Variants in MYH11 observed in about 807,000 individuals in gnomAD.
MYH11 encodes the protein myosin-11.
In MYH11, 80 loss-of-function variants were observed where a neutral mutation model predicts 246.6. That is an observed-to-expected ratio of 0.32 (90% confidence interval 0.27 to 0.39). The LOEUF (loss-of-function observed/expected upper bound fraction) is 0.39, where lower values mean the gene tolerates loss of function less well. MYH11 is among the 10% of genes least tolerant of loss of function. The pLI is 1.00. For missense variants in MYH11, 2,158 were observed against 2,546.8 expected (o/e 0.85, Z 3.29); for synonymous variants, 1,071 against 1,015.5 (o/e 1.05, Z -1.04).
intron 3 of MYH11, among the ~76,000 whole-genome samples, chr16:15,816,780 T>C (rs769636504): frequency 1.1e-4 from 15 of 136,682 alleles, no homozygotes; most frequent in Middle Eastern, 3.5e-3. Flanking sequence ...TTCAGAGATA[T>C]GGTGGTAAAT....
intron 1 of MYH11, among the ~76,000 whole-genome samples, chr16:15,838,553 C>G (rs1434725009): frequency 6.6e-6 from 1 of 151,950 alleles, no homozygotes; most frequent in Non-Finnish European, 1.5e-5. Flanking sequence ...GAAATACTAC[C>G]CAGTGCTCAG....
At chr16:15,740,931 C>G (rs113320233) in intron 22 of MYH11, among the ~76,000 whole-genome samples, 2 of 152,262 alleles carry the variant, frequency 1.3e-5, no homozygotes, top group African/African-American at 4.8e-5. Context: ...TGGAAGGACA[C>G]TCAAGCAGCC....
At chr16:15,819,479 G>T (rs1004747863) in intron 3 of MYH11, among the ~76,000 whole-genome samples, 1 of 152,078 alleles carries the variant, frequency 6.6e-6, no homozygotes, top group Non-Finnish European at 1.5e-5. Flanking sequence ...ATCAGAGGCG[G>T]CATTAGACTC....
intron 15 of MYH11, 55 bp downstream of exon 15, chr16:15,753,339 G>C: frequency 6.7e-7 from 1 of 1,491,318 alleles, no homozygotes; most frequent in East Asian, 2.3e-5. Flanking sequence ...GGGGACTTGG[G>C]TGTTCAATTC....
intron 40 of MYH11, among the ~76,000 whole-genome samples, chr16:15,709,291 C>A (rs893925450): frequency 6.6e-6 from 1 of 151,530 alleles, no homozygotes; most frequent in Non-Finnish European, 1.5e-5. Flanking sequence ...TCACCTGACG[C>A]CAAGAGCATT....
chr16:15,786,690 G>A lies in MYH11; in HGVS notation c.573C>T (p.Val191=), dbSNP rs763981310. ...AGGCCACCACGGCCAGGTACTGAAT[G>A]ACCTTCTTGGTGTTTTCGGTTTTCC... ...GAGKTENTKK[V]IQYLAVVASS... The change falls in exon 5 of 41, where the codon GTC becomes GTT. Residue 191 remains valine (V), a synonymous_variant. Coordinates refer to ENST00000300036, the MANE Select transcript of MYH11 (RefSeq NM_002474.3). The A allele has an allele frequency of 8.7e-6, 14 of 1,614,014 alleles. No homozygotes were observed. In the East Asian group the frequency reaches 2.9e-4, roughly 33 times the overall value.
intron 4 of MYH11, among the ~76,000 whole-genome samples, chr16:15,794,700 G>T (rs1177682518): frequency 6.6e-6 from 1 of 152,232 alleles, no homozygotes; most frequent in Non-Finnish European, 1.5e-5. Flanking sequence ...GGGGAAGCCA[G>T]GGAGTTGCTG....
At position 15,759,454 on chromosome 16, in the gene MYH11, T is replaced by C. The variant is rs2041815314; in HGVS notation, c.1401+122A>G. ...ATACCCTCAATGATCCACCCTTAAC[T>C]AGACAGCCTCCTACCCTACAGTAGC... On this transcript the variant is annotated intron_variant, in intron 12 of 40. Transcript: ENST00000300036. 5 of 1,290,044 alleles carry C rather than the reference T, an allele frequency of 3.9e-6. No homozygotes were observed. In the South Asian group the frequency reaches 4.8e-5, roughly 12 times the overall value. The allele number at this position is 1,290,044 out of a possible 1,614,324, so 79.9% of individuals were successfully genotyped here.
intron 9 of MYH11, among the ~76,000 whole-genome samples, chr16:15,766,791 T>C (rs1339741777): frequency 2.0e-5 from 3 of 152,056 alleles, no homozygotes; most frequent in Admixed American, 1.3e-4. Context: ...ATTCCAGAAA[T>C]GACAAAAGAA....
Position 15,750,125 on chromosome 16 carries a change from C to A in MYH11, c.2058+13G>T, listed in dbSNP as rs756957660. The A allele has an allele frequency of 6.2e-7, 1 of 1,613,762 alleles. No homozygotes were observed. Among genetic ancestry groups the A allele is most frequent in the Non-Finnish European group, 8.5e-7 (1 of 1,179,890 alleles). ...GCTTCTGGGAGCCCCAGGGTCTGGG[C>A]GGCGGGCCTCACCCTCTTCTCGTGG... On this transcript the variant is annotated intron_variant, in intron 16 of 40. Transcript: ENST00000300036. This position sits in a 1 kb window ranked among gnomAD's most constrained non-coding sequence, Gnocchi z 4.3.
At position 15,757,988 on chromosome 16, in the gene MYH11, C is replaced by T. The variant is rs750935497; in HGVS notation, c.1414G>A (p.Glu472Lys). The T allele has an allele frequency of 1.2e-6, 2 of 1,613,898 alleles. No individual in the cohort carries two copies. The highest frequency in any genetic ancestry group is 1.7e-6 in the Non-Finnish European group (2 of 1,180,024). ...GFEIFEVNSF[E>K]QLCINYTNEK... ...TTGGTGTAGTTGATGCACAGCTGCT[C>T]GAAGGAGTTCACCTGAGCACATGGC... Residue 472 changes from glutamate to lysine, a missense_variant, in exon 13 of 41, where the codon GAG becomes AAG. By Grantham distance (56) the Glu-to-Lys change is moderately conservative. Coordinates refer to ENST00000300036, the MANE Select transcript of MYH11 (RefSeq NM_002474.3).
At chr16:15,739,530 G>A (rs1162743114) in intron 23 of MYH11, among the ~76,000 whole-genome samples, 1 of 152,214 alleles carries the variant, frequency 6.6e-6, no homozygotes, top group Non-Finnish European at 1.5e-5. Context: ...ATGCATACCT[G>A]CATCTAACAC....
intron 4 of MYH11, among the ~76,000 whole-genome samples, chr16:15,794,496 GCCT>G (rs921906282): frequency 2.6e-5 from 4 of 152,246 alleles, no homozygotes; most frequent in Admixed American, 2.6e-4. Flanking sequence ...AATGGCTAAG[GCCT>G]CCTTCTCCAG....
At chr16:15,722,461 G>T (rs1567697470) in intron 31 of MYH11, among the ~76,000 whole-genome samples, 1 of 152,160 alleles carries the variant, frequency 6.6e-6, no homozygotes, top group African/African-American at 2.4e-5. Flanking sequence ...CAAACTTCCA[G>T]TATTCAGCAA....
chr16:15,836,538 T>A (rs2043897719), intron 2 of MYH11, among the ~76,000 whole-genome samples: 1 of 151,694 alleles, frequency 6.6e-6, no homozygotes, highest in Non-Finnish European at 1.5e-5. Flanking sequence ...TAGCTGGGAT[T>A]ACAGGCGCAC....
At position 15,813,077 on chromosome 16, in the gene MYH11, G is replaced by T. The variant is rs184401058; in HGVS notation, c.502+10178C>A. 6.8e-3 allele frequency among the ~76,000 whole-genome samples: 1,038 copies of T among 151,582 alleles called. 11 individuals are homozygous for T. Among genetic ancestry groups the T allele is most frequent in the Non-Finnish European group, 9.3e-3 (628 of 67,846 alleles). ...AGCTACTCAGGAGGCTGAGGCAGGAGAATCACTTGAACCCAGGAGGTGGAG... is the reference window on the plus strand; with the variant it reads ...AGCTACTCAGGAGGCTGAGGCAGGATAATCACTTGAACCCAGGAGGTGGAG... On this transcript the variant is annotated intron_variant, in intron 3 of 40. Transcript: ENST00000300036.
chr16:15,794,554 C>T (rs2042699185), intron 4 of MYH11, among the ~76,000 whole-genome samples: 2 of 152,248 alleles, frequency 1.3e-5, no homozygotes, highest in Non-Finnish European at 2.9e-5. Flanking sequence ...GCTAACGCTG[C>T]ATTCCAGGAG....
At chr16:15,742,131 C>T in intron 20 of MYH11, 3 of 604,360 alleles carry the variant, frequency 5.0e-6, no homozygotes, top group Non-Finnish European at 5.9e-6. Flanking sequence ...GCCCCCACAA[C>T]AGAATTAGTC....
intron 7 of MYH11, among the ~76,000 whole-genome samples, chr16:15,777,505 A>T (rs1336480690): frequency 6.6e-6 from 1 of 152,130 alleles, no homozygotes; most frequent in Non-Finnish European, 1.5e-5. Flanking sequence ...ATCTAAAAGG[A>T]AGGCTGAGGC....
Sources: allele counts gnomAD v4.1 joint callset (sites outside exome capture counted in the v4.1 genomes callset), GRCh38; gene constraint gnomAD v4.1.1; non-coding constraint Gnocchi (gnomAD v3.1); transcripts MANE v1.5; gene names NCBI Gene and HGNC (gene_info 2026-07-23, HGNC 2026-07-21).